Variants in IL3RA observed in about 807,000 individuals in gnomAD.
The protein encoded by IL3RA is interleukin-3 receptor subunit alpha.
In IL3RA, 73 loss-of-function variants were observed where a neutral mutation model predicts 52.3. The observed-to-expected ratio is 1.40, with a 90% CI of 1.16 to 1.70. The LOEUF (loss-of-function observed/expected upper bound fraction) is 1.70, where lower values mean the gene tolerates loss of function less well. Among genes scored for constraint, IL3RA ranks in the 40% most tolerant of loss-of-function variants. IL3RA has a pLI of 0.00. For synonymous variants in IL3RA, 260 were observed against 194.0 expected, an observed-to-expected ratio of 1.34 and a Z score of -2.83; for missense variants, 664 against 504.4, an observed-to-expected ratio of 1.32 and a Z score of -3.03.
rs1439888936 is a variant in IL3RA at position 1,360,265 on chromosome X, T to TC, written c.759+1378_759+1379insC. On this transcript the variant is annotated intron_variant, in intron 8 of 11. Coordinates refer to ENST00000331035, the MANE Select transcript of IL3RA (RefSeq NM_002183.4). ...ATCTCTCTCCCTTTCTCCCTCCATC[T>TC]TTCTCTCTCTCTCCTGGTCTCTATC... Among the ~76,000 whole-genome samples, 2 of 39,780 alleles carry TC rather than the reference T, an allele frequency of 5.0e-5. 1 individual carries two copies. Among genetic ancestry groups the TC allele is most frequent in the African/African-American group, 2.8e-4 (2 of 7,208 alleles). The allele number at this position is 39,780 out of a possible 152,430, so 26.1% of individuals were successfully genotyped here.
chrX:1,359,445 C>T (rs2086993506), intron 8 of IL3RA, among the ~76,000 whole-genome samples: 1 of 152,042 alleles, frequency 6.6e-6, no homozygotes, highest in Admixed American at 6.6e-5. Flanking sequence ...CTTTCTCTGT[C>T]TCTGAATCTC....
intron 3 of IL3RA, 68 bp from the exon 4 acceptor site, chrX:1,348,363 C>A: frequency 7.9e-7 from 1 of 1,268,762 alleles, no homozygotes; most frequent in Admixed American, 1.7e-5. Flanking sequence ...CAAAAAAAAT[C>A]TGAACATCAT....
At chrX:1,348,717 TTTC>T (rs1303213803) in intron 4 of IL3RA, among the ~76,000 whole-genome samples, 172 bp downstream of exon 4, 1 of 78,340 alleles carries the variant, frequency 1.3e-5, no homozygotes, top group African/African-American at 9.2e-5. Context: ...TTTCTGTTTC[TTTC>T]TTCCTTTCTT....
intron 3 of IL3RA, among the ~76,000 whole-genome samples, chrX:1,345,717 C>G (rs1272397875): frequency 2.0e-5 from 3 of 151,790 alleles, no homozygotes; most frequent in Admixed American, 6.6e-5. Flanking sequence ...GTCTCGATCT[C>G]CTGACCTCGT....
At chrX:1,344,817 A>G (rs2085659856) in intron 2 of IL3RA, among the ~76,000 whole-genome samples, 2 of 151,442 alleles carry the variant, frequency 1.3e-5, no homozygotes, top group Admixed American at 1.3e-4. Flanking sequence ...CGACCTCCCA[A>G]AGGTATTGGC....
rs1184639618 is a variant in IL3RA, at chrX:1,382,627, G to T, written c.*162G>T. 8.9e-6 allele frequency: 6 copies of T among 675,968 alleles called. No individual in the cohort carries two copies. In the African/African-American group the frequency reaches 1.1e-4, roughly 12 times the overall value. The allele number at this position is 675,968 out of a possible 1,614,324, so 41.9% of individuals were successfully genotyped here. On this transcript the variant is annotated 3_prime_UTR_variant, in exon 12 of 12. Coordinates refer to ENST00000331035, the MANE Select transcript of IL3RA (RefSeq NM_002183.4). Reference sequence around the variant, plus strand: ...TGTGTAATTTCGTCCGAAGCTGCCAGGAAGAAGAACAGAACTTTGTGTGTT... The same window carrying T: ...TGTGTAATTTCGTCCGAAGCTGCCATGAAGAAGAACAGAACTTTGTGTGTT...
chrX:1,350,138 G>C (rs1185130710), intron 4 of IL3RA, among the ~76,000 whole-genome samples: 5 of 152,132 alleles, frequency 3.3e-5, no homozygotes, highest in Admixed American at 1.3e-4. Context: ...AGAGCTGAGA[G>C]AGGTGGGTTT....
intron 1 of IL3RA, among the ~76,000 whole-genome samples, chrX:1,340,179 C>G (rs1347190490): frequency 7.0e-6 from 1 of 142,868 alleles, no homozygotes; most frequent in Admixed American, 6.8e-5. Context: ...GCAGTGGCGC[C>G]ATCTCGGCTC....
At chrX:1,363,369 C>T (rs1456520392) in intron 8 of IL3RA, among the ~76,000 whole-genome samples, 3 of 149,596 alleles carry the variant, frequency 2.0e-5, no homozygotes, top group South Asian at 4.2e-4. Flanking sequence ...GGCGCAATCT[C>T]GGCTCACTGC....
chrX:1,367,844 G>T (rs1386447594), intron 9 of IL3RA, among the ~76,000 whole-genome samples: 1 of 150,662 alleles, frequency 6.6e-6, no homozygotes, highest in South Asian at 2.1e-4. Context: ...GCCATCCTGG[G>T]TCACGGAAAC....
At chrX:1,339,531 C>T (rs1407084370) in intron 1 of IL3RA, among the ~76,000 whole-genome samples, 2 of 152,156 alleles carry the variant, frequency 1.3e-5, no homozygotes, top group South Asian at 2.1e-4. Flanking sequence ...CGGTGGCTCA[C>T]GCCTGTCATC....
intron 9 of IL3RA, among the ~76,000 whole-genome samples, chrX:1,370,793 G>C (rs1437724911): frequency 1.3e-5 from 1 of 75,504 alleles, no homozygotes; most frequent in African/African-American, 7.6e-5. Context: ...AGAGAGGGAC[G>C]ACCCTGTGAG....
chrX:1,340,452 A>G (rs2085447923), intron 1 of IL3RA, among the ~76,000 whole-genome samples: 1 of 152,104 alleles, frequency 6.6e-6, no homozygotes, highest in African/African-American at 2.4e-5. Flanking sequence ...GCTGACACAC[A>G]CACAGATGCA....
chrX:1,367,515 G>C (rs1288834010), intron 9 of IL3RA, among the ~76,000 whole-genome samples: 1 of 88,696 alleles, frequency 1.1e-5, no homozygotes, highest in Non-Finnish European at 2.1e-5. Context: ...GGTGAGCCGG[G>C]TGCGCGGGGT....
At position 1,347,300 on chromosome X, in the gene IL3RA, C is replaced by T. The variant is rs17882971; in HGVS notation, c.184-1131C>T. On this transcript the variant is annotated intron_variant, in intron 3 of 11. Coordinates refer to ENST00000331035, the MANE Select transcript of IL3RA (RefSeq NM_002183.4). ...CTCTACTAAAAATATAAAAATTAGC[C>T]GGGCGTGGTGGCTGGTGCCTGTAGT... 6.8e-3 allele frequency among the ~76,000 whole-genome samples: 1,022 copies of T among 150,932 alleles called. 58 individuals are homozygous for T. Among genetic ancestry groups the T allele is most frequent in the African/African-American group, 0.024 (956 of 40,580 alleles).
At chrX:1,361,542 G>A (rs1462639828) in intron 8 of IL3RA, among the ~76,000 whole-genome samples, 9 of 152,120 alleles carry the variant, frequency 5.9e-5, no homozygotes, top group Admixed American at 2.0e-4. Flanking sequence ...ACGAGGTCAG[G>A]AGTTCAAGAC....
chrX:1,361,440 A>G (rs35253787), intron 8 of IL3RA, among the ~76,000 whole-genome samples: 4,556 of 152,170 alleles, frequency 0.03, 115 homozygotes, highest in Admixed American at 0.046. Context: ...CATGTCTTAC[A>G]TGTCAGCGGG....
At chrX:1,367,679 G>A (rs1199683979) in intron 9 of IL3RA, among the ~76,000 whole-genome samples, 2 of 115,208 alleles carry the variant, frequency 1.7e-5, no homozygotes, top group African/African-American at 6.8e-5. Context: ...TGCGCGGGGT[G>A]AGCGGGGTGC....
rs760999511 is a variant in IL3RA, at chrX:1,365,239, C to G, written c.861C>G (p.Thr287=). 6.2e-7 allele frequency: 1 copy of G among 1,607,912 alleles called. No homozygotes were observed. Among genetic ancestry groups the G allele is most frequent in the Non-Finnish European group, 8.5e-7 (1 of 1,176,832 alleles). ...RVYEFLSAWS[T]PQRFECDQEE... ...ATGAATTCTTGAGCGCCTGGAGCAC[C>G]CCCCAGCGCTTCGGTGAGTGGGCTG... The change falls in exon 9 of 12, where the codon ACC becomes ACG. Residue 287 remains threonine, a synonymous_variant. Coordinates refer to ENST00000331035, the MANE Select transcript of IL3RA (RefSeq NM_002183.4).
Sources: allele counts gnomAD v4.1 joint callset (sites outside exome capture counted in the v4.1 genomes callset), GRCh38; gene constraint gnomAD v4.1.1; transcripts MANE v1.5; gene names NCBI Gene and HGNC (gene_info 2026-07-23, HGNC 2026-07-21).